The following KLF8 variants were observed in gnomAD, a reference collection of about 807,000 sequenced individuals.
KLF8 encodes KLF transcription factor 8.
Under a neutral mutation model 18.2 loss-of-function variants are expected in KLF8, and 10 were observed. The ratio of observed to expected loss-of-function variants is 0.55; its 90% CI spans 0.34 to 0.93. KLF8 has a LOEUF of 0.93. KLF8 is among the 40% of genes least tolerant of loss of function. The pLI, the probability that KLF8 is intolerant of heterozygous loss-of-function variation, is 0.02. For missense variants in KLF8, 264 were observed against 277.9 expected, an observed-to-expected ratio of 0.95 and a Z score of 0.36; for synonymous variants, 109 against 97.3, an observed-to-expected ratio of 1.12 and a Z score of -0.71.
chrX:56,005,861 T>C, the KLF8 span, among the ~76,000 whole-genome samples: 1 of 111,803 alleles, frequency 8.9e-6, no homozygotes, highest in African/African-American at 3.3e-5. Flanking sequence ...GAGGACACTC[T>C]GGTGGAGCTC....
At chrX:56,071,267 A>AT in the KLF8 span, among the ~76,000 whole-genome samples, 1 of 112,003 alleles carries the variant, frequency 8.9e-6, no homozygotes, top group African/African-American at 3.2e-5. Context: ...AGACAAAAAA[A>AT]CTATTAAATT....
the KLF8 span, among the ~76,000 whole-genome samples, chrX:56,011,736 A>G: frequency 8.9e-6 from 1 of 112,043 alleles, no homozygotes; most frequent in Non-Finnish European, 1.9e-5. Context: ...AAAAGAAAGA[A>G]GAATGAAATA....
chrX:56,007,306 C>T, the KLF8 span, among the ~76,000 whole-genome samples: 2 of 110,734 alleles, frequency 1.8e-5, no homozygotes, highest in South Asian at 3.9e-4. Flanking sequence ...TGGTGGGAGT[C>T]GTACTCTCAA....
chrX:56,222,107 G>A, the KLF8 span, among the ~76,000 whole-genome samples: 1 of 111,621 alleles, frequency 9.0e-6, no homozygotes, highest in African/African-American at 3.3e-5. Flanking sequence ...GTGCCGATTG[G>A]TGTGATTACA....
the KLF8 span, among the ~76,000 whole-genome samples, chrX:56,199,711 C>T: frequency 1.8e-5 from 2 of 111,475 alleles, no homozygotes; most frequent in African/African-American, 3.3e-5. Context: ...TACCATTTGG[C>T]CCAGCAATTC....
chrX:56,155,566 T>C, the KLF8 span, among the ~76,000 whole-genome samples: 1 of 110,104 alleles, frequency 9.1e-6, no homozygotes, highest in African/African-American at 3.3e-5. Flanking sequence ...TAACAAACCT[T>C]CACTTTATGT....
At chrX:56,179,502 C>T in the KLF8 span, among the ~76,000 whole-genome samples, 5 of 111,943 alleles carry the variant, frequency 4.5e-5, no homozygotes, top group African/African-American at 1.6e-4. Flanking sequence ...TGCCTGATTG[C>T]CTTGGCCAGA....
the KLF8 span, among the ~76,000 whole-genome samples, chrX:56,103,509 A>G: frequency 9.0e-6 from 1 of 110,895 alleles, no homozygotes; most frequent in African/African-American, 3.3e-5. Flanking sequence ...TTGGCTCTCT[A>G]TTTGTCTATT....
At chrX:55,992,111 G>A in the KLF8 span, among the ~76,000 whole-genome samples, 1 of 112,101 alleles carries the variant, frequency 8.9e-6, no homozygotes, top group African/African-American at 3.2e-5. Flanking sequence ...AATTAATTAG[G>A]TCTCAATTAT....
intron 2 of KLF8, 139 bp downstream of exon 2, chrX:56,250,443 T>C (rs1440159183): frequency 2.1e-6 from 1 of 483,055 alleles, no homozygotes; most frequent in Non-Finnish European, 3.5e-6. Flanking sequence ...GACATATTTC[T>C]AGAAAGTATA....
chrX:56,229,520 C>G (rs2147543579), upstream of KLF8, among the ~76,000 whole-genome samples: 1 of 111,883 alleles, frequency 8.9e-6, no homozygotes, highest in South Asian at 3.8e-4. Flanking sequence ...TTCTAGTTCC[C>G]CATACCTGCT....
chrX:56,246,173 G>A (rs953706815), intron 1 of KLF8, among the ~76,000 whole-genome samples: 1 of 111,326 alleles, frequency 9.0e-6, no homozygotes, highest in African/African-American at 3.3e-5. Flanking sequence ...ATATAGGAGG[G>A]CCAAGAAGTA....
At chrX:56,209,953 C>G in the KLF8 span, among the ~76,000 whole-genome samples, 6 of 111,920 alleles carry the variant, frequency 5.4e-5, no homozygotes, top group African/African-American at 1.9e-4. Flanking sequence ...TGTCCTCCTG[C>G]TTTTTAATTT....
At chrX:56,054,058 T>A in the KLF8 span, among the ~76,000 whole-genome samples, 2 of 111,523 alleles carry the variant, frequency 1.8e-5, no homozygotes, top group Non-Finnish European at 3.8e-5. Context: ...TGGCTTTTTC[T>A]TGGTTCTCTA....
the KLF8 span, among the ~76,000 whole-genome samples, chrX:56,055,419 T>A: frequency 8.9e-6 from 1 of 112,196 alleles, no homozygotes; most frequent in African/African-American, 3.2e-5. Context: ...GTAGGGTTTC[T>A]GCTGAGAAGT....
At chrX:56,003,076 C>G in the KLF8 span, among the ~76,000 whole-genome samples, 9 of 111,653 alleles carry the variant, frequency 8.1e-5, no homozygotes, top group African/African-American at 2.9e-4. Context: ...CTGTCCCTGA[C>G]TATGAAAGTC....
chrX:55,970,215 A>T, the KLF8 span, among the ~76,000 whole-genome samples: 16 of 111,390 alleles, frequency 1.4e-4, no homozygotes, highest in African/African-American at 4.9e-4. Flanking sequence ...TACGTTAAAA[A>T]GATCATTCAT....
At chrX:55,956,910 A>T in the KLF8 span, among the ~76,000 whole-genome samples, 1 of 111,462 alleles carries the variant, frequency 9.0e-6, no homozygotes, top group Admixed American at 9.6e-5. Flanking sequence ...ATGTACTTCC[A>T]TTTGTCCATT....
the KLF8 span, among the ~76,000 whole-genome samples, chrX:56,021,585 C>CTT: frequency 3.2e-4 from 31 of 98,410 alleles, no homozygotes; most frequent in African/African-American, 1.0e-3. Flanking sequence ...CTGACCCGCT[C>CTT]TTTTTTTTTT....
Sources: gnomAD v4.1 joint callset for allele counts (sites outside exome capture counted in the v4.1 genomes callset) on GRCh38, gnomAD v4.1.1 for gene constraint, MANE v1.5 for transcripts, NCBI Gene and HGNC (gene_info 2026-07-23, HGNC 2026-07-21) for gene names.